NFIB: variants seen among roughly 807,000 people sequenced by gnomAD.
NFIB encodes the protein nuclear factor 1 B-type.
A neutral mutation model predicts 61.5 loss-of-function variants in NFIB; 11 were observed. The observed-to-expected ratio is 0.18, with a 90% CI of 0.11 to 0.30. NFIB has a LOEUF of 0.30. Ranked by LOEUF, NFIB falls within the 10% of genes least tolerant of loss-of-function variation. The pLI, the probability that NFIB is intolerant of heterozygous loss-of-function variation, is 1.00. For missense variants in NFIB, 471 were observed against 608.9 expected, an observed-to-expected ratio of 0.77 and a Z score of 2.38; for synonymous variants, 260 against 216.5, an observed-to-expected ratio of 1.20 and a Z score of -1.76.
chr9:14,222,426 A>G (rs1339026336), intron 2 of NFIB, among the ~76,000 whole-genome samples: 1 of 152,112 alleles, frequency 6.6e-6, no homozygotes, highest in East Asian at 1.9e-4. Context: ...ATGCACCTCA[A>G]GCTCCAGGTA....
the NFIB span, among the ~76,000 whole-genome samples, chr9:14,453,923 G>C: frequency 6.6e-6 from 1 of 151,450 alleles, no homozygotes; most frequent in East Asian, 1.9e-4. Context: ...TCTACTAAAA[G>C]TACAAAAATT....
chr9:14,495,922 C>G, the NFIB span, among the ~76,000 whole-genome samples: 1 of 152,130 alleles, frequency 6.6e-6, no homozygotes, highest in South Asian at 2.1e-4. Flanking sequence ...AGTTTCTGTT[C>G]CACATCTTCC....
chr9:14,181,698 G>A (rs897010949), intron 2 of NFIB, among the ~76,000 whole-genome samples: 6 of 152,144 alleles, frequency 3.9e-5, no homozygotes, highest in African/African-American at 1.2e-4. Context: ...TTTCTCAAGC[G>A]ATTCTAACAT....
intron 1 of NFIB, among the ~76,000 whole-genome samples, chr9:14,337,629 G>A (rs374557140): frequency 1.3e-5 from 2 of 152,162 alleles, no homozygotes; most frequent in African/African-American, 4.8e-5. Context: ...ACCCTGAGTT[G>A]GCATTTGGAG....
At chr9:14,282,615 A>C (rs1475513138) in intron 2 of NFIB, among the ~76,000 whole-genome samples, 3 of 152,170 alleles carry the variant, frequency 2.0e-5, no homozygotes, top group African/African-American at 7.2e-5. Context: ...GTATTTCTTC[A>C]AAGTGTACTT....
chr9:14,375,660 A>AAAC (rs1445057402), intron 1 of NFIB, among the ~76,000 whole-genome samples: 2 of 146,558 alleles, frequency 1.4e-5, no homozygotes, highest in Non-Finnish European at 3.0e-5. Flanking sequence ...ACTCCATCTC[A>AAAC]AAAAAAAAAA....
intron 2 of NFIB, among the ~76,000 whole-genome samples, chr9:14,255,371 A>G (rs1054491149): frequency 6.6e-6 from 1 of 152,260 alleles, no homozygotes; most frequent in Non-Finnish European, 1.5e-5. Flanking sequence ...TCCTTAATGT[A>G]AGATCACCTG....
intron 4 of NFIB, among the ~76,000 whole-genome samples, chr9:14,154,932 C>T (rs1040224089): frequency 6.6e-6 from 1 of 152,096 alleles, no homozygotes; most frequent in African/African-American, 2.4e-5. Flanking sequence ...CATCATAATT[C>T]TTATTCATGA....
intron 3 of NFIB, among the ~76,000 whole-genome samples, chr9:14,174,048 T>C (rs2045872653): frequency 6.6e-6 from 1 of 152,182 alleles, no homozygotes; most frequent in Admixed American, 6.5e-5. Flanking sequence ...AAGAAACACT[T>C]CCCTCATCCT....
chr9:14,428,481 A>T, the NFIB span, among the ~76,000 whole-genome samples: 1 of 152,178 alleles, frequency 6.6e-6, no homozygotes, highest in Non-Finnish European at 1.5e-5. Flanking sequence ...GGGGACGTGC[A>T]TTCAAGAAAC....
At chr9:14,107,736 C>G (rs1388309816) in intron 10 of NFIB, among the ~76,000 whole-genome samples, 1 of 152,100 alleles carries the variant, frequency 6.6e-6, no homozygotes, top group African/African-American at 2.4e-5. Flanking sequence ...TGTCATTGTT[C>G]CTTTCCTACC....
At position 14,241,107 on chromosome 9, in the gene NFIB, C is replaced by A. The variant is rs1468479147; in HGVS notation, c.563-61327G>T. The stretch of plus-strand genomic sequence containing the variant: ...CAAGAATACACTCAGGCACCGAATA[C>A]CTTTTAGGCAAATGAGGGGCAAATG... On this transcript the variant is annotated intron_variant, in intron 2 of 10. Coordinates refer to ENST00000380953, the MANE Select transcript of NFIB (RefSeq NM_001190737.2). Among the ~76,000 whole-genome samples the A allele has an allele frequency of 2.6e-5, 4 of 152,210 alleles. No homozygotes were observed. In the East Asian group the frequency reaches 7.7e-4, roughly 29 times the overall value.
chr9:14,458,316 G>T, the NFIB span, among the ~76,000 whole-genome samples: 15 of 152,088 alleles, frequency 9.9e-5, no homozygotes, highest in South Asian at 2.1e-4. Context: ...AAATTCAACT[G>T]CCCTTCATGC....
the NFIB span, among the ~76,000 whole-genome samples, chr9:14,467,360 A>G: frequency 1.3e-5 from 2 of 152,150 alleles, no homozygotes; most frequent in Non-Finnish European, 2.9e-5. Context: ...ATCCAGGCAC[A>G]TCAGCAAAGT....
intron 2 of NFIB, among the ~76,000 whole-genome samples, chr9:14,232,457 A>G (rs554942314): frequency 6.6e-6 from 1 of 152,306 alleles, no homozygotes; most frequent in Admixed American, 6.5e-5. Context: ...AGGAAAGAAG[A>G]TACTCAGCTA....
the NFIB span, among the ~76,000 whole-genome samples, chr9:14,414,556 A>G: frequency 7.1e-6 from 1 of 140,168 alleles, no homozygotes; most frequent in Non-Finnish European, 1.5e-5. Context: ...GACCGTAAGT[A>G]GATGGCCTCA....
chr9:14,500,784 A>G, the NFIB span, among the ~76,000 whole-genome samples: 18 of 152,058 alleles, frequency 1.2e-4, no homozygotes, highest in Non-Finnish European at 2.4e-4. Flanking sequence ...GTTTCTCTTC[A>G]TGCCATCTTG....
intron 1 of NFIB, among the ~76,000 whole-genome samples, chr9:14,350,137 C>G (rs144543750): frequency 2.0e-5 from 3 of 152,118 alleles, no homozygotes; most frequent in African/African-American, 7.2e-5. Flanking sequence ...CGCTCAGCCT[C>G]GGTGCCTCTG....
chr9:14,250,925 T>G (rs1235780101), intron 2 of NFIB, among the ~76,000 whole-genome samples: 1 of 152,180 alleles, frequency 6.6e-6, no homozygotes, highest in Non-Finnish European at 1.5e-5. Flanking sequence ...TTAATAAAAG[T>G]TTTTTTGAAA....
Sources: allele counts gnomAD v4.1 joint callset (sites outside exome capture counted in the v4.1 genomes callset), GRCh38; gene constraint gnomAD v4.1.1; transcripts MANE v1.5; gene names NCBI Gene and HGNC (gene_info 2026-07-23, HGNC 2026-07-21).